RHEB: variants seen among roughly 807,000 people sequenced by gnomAD.
RHEB encodes the protein Ras homolog, mTORC1 binding, also known as GTP-binding protein Rheb.
A neutral mutation model predicts 28.8 loss-of-function variants in RHEB; 2 were observed. That is an observed-to-expected ratio of 0.07 (90% confidence interval 0.03 to 0.22). The LOEUF (loss-of-function observed/expected upper bound fraction) is 0.22. RHEB is among the 10% of genes least tolerant of loss of function. RHEB has a pLI of 1.00. For synonymous variants in RHEB, 69 were observed against 77.3 expected (o/e 0.89, Z 0.56); for missense variants, 76 against 219.9 (o/e 0.35, Z 4.14).
At chr7:151,516,484 G>A (rs1032098292) in intron 1 of RHEB, among the ~76,000 whole-genome samples, 6 of 151,752 alleles carry the variant, frequency 4.0e-5, no homozygotes, top group Non-Finnish European at 5.9e-5. Context: ...TTAGCTGGGC[G>A]GGGTGGCAGG....
chr7:151,494,448 A>G (rs1802640806), intron 1 of RHEB, among the ~76,000 whole-genome samples: 1 of 152,248 alleles, frequency 6.6e-6, no homozygotes, highest in South Asian at 2.1e-4. Flanking sequence ...CAAGTGCAAA[A>G]ACGGAGTGAG....
intron 1 of RHEB, among the ~76,000 whole-genome samples, chr7:151,500,853 G>A (rs934385035): frequency 3.9e-5 from 6 of 152,080 alleles, no homozygotes; most frequent in African/African-American, 7.2e-5. Context: ...GTGTGGTGGT[G>A]TGCTCTTGTG....
chr7:151,502,767 T>C, intron 1 of RHEB: 1 of 1,492,564 alleles, frequency 6.7e-7, no homozygotes, highest in Non-Finnish European at 9.3e-7. Flanking sequence ...GCGACATAAC[T>C]ATGTTCAGAA....
rs529019735 is a variant in RHEB at position 151,467,301 on chromosome 7, C to T, written c.463-90G>A. 2.4e-4 allele frequency: 224 copies of T among 926,738 alleles called. 1 individual carries two copies. Among genetic ancestry groups the T allele is most frequent in the Non-Finnish European group, 3.7e-4 (214 of 574,036 alleles). The allele number at this position is 926,738 out of a possible 1,614,324, so 57.4% of individuals were successfully genotyped here. A position where few individuals can be genotyped will look rare whatever the true frequency, so the allele number is the denominator to read the frequency against. ...GACTGAGGAGGGCGTGCCGCCTGCC[C>T]TGCCCTCCTACTGGTGGAGGAGGAG... On this transcript the variant is annotated intron_variant, in intron 7 of 7. Transcript: ENST00000262187.
intron 3 of RHEB, among the ~76,000 whole-genome samples, chr7:151,481,962 AG>A (rs1258414674): frequency 6.6e-6 from 1 of 152,256 alleles, no homozygotes; most frequent in Non-Finnish European, 1.5e-5. Context: ...AGGGCAAAAC[AG>A]TACCCCAGAG....
At chr7:151,498,268 A>G in intron 1 of RHEB, 2 of 606,850 alleles carry the variant, frequency 3.3e-6, no homozygotes. Context: ...ACTTTAGGGG[A>G]AACATCAATG....
chr7:151,477,473 TACCC>T, intron 3 of RHEB, 58 bp from the exon 4 acceptor site: 4 of 990,610 alleles, frequency 4.0e-6, no homozygotes, highest in Non-Finnish European at 6.2e-6. Flanking sequence ...AAACAAACTT[TACCC>T]AAAGTTTTTC....
chr7:151,478,592 C>G (rs1167815655), intron 3 of RHEB, among the ~76,000 whole-genome samples: 1 of 151,612 alleles, frequency 6.6e-6, no homozygotes, highest in African/African-American at 2.4e-5. Flanking sequence ...AAAAAACTAC[C>G]AGTTAGAAGG....
intron 4 of RHEB, 56 bp from the exon 5 acceptor site, chr7:151,471,661 G>A: frequency 1.8e-6 from 2 of 1,134,042 alleles, no homozygotes; most frequent in Non-Finnish European, 1.3e-6. Context: ...GTTTTTAAAT[G>A]TATGTTATGT....
intron 2 of RHEB, among the ~76,000 whole-genome samples, chr7:151,487,439 A>G (rs3819738): frequency 0.39 from 59,651 of 151,966 alleles, 14,094 homozygotes; most frequent in South Asian, 0.6. Context: ...AAAGGCCTGA[A>G]CCAGGGCACC....
At position 151,513,674 on chromosome 7, in the gene RHEB, T is replaced by C. The variant is rs149288546; in HGVS notation, c.52+5786A>G. 7.2e-5 allele frequency among the ~76,000 whole-genome samples: 11 copies of C among 152,360 alleles called. No homozygotes were observed. The East Asian group carries it at 1.9e-3, about 27-fold the overall frequency. ...TTCATCAATATGATTTCAGATTGCA[T>C]AGTGTAACTATTCTTTGCAAACTAT... On this transcript the variant is annotated intron_variant, in intron 1 of 7. Transcript: ENST00000262187.
chr7:151,471,812 T>G (rs1802166389), intron 4 of RHEB: 1 of 499,674 alleles, frequency 2.0e-6, no homozygotes, highest in South Asian at 3.7e-5. Flanking sequence ...CTGAGGATAT[T>G]CAAAGTGAAA....
intron 2 of RHEB, among the ~76,000 whole-genome samples, chr7:151,489,937 C>T (rs1470784850): frequency 4.6e-5 from 7 of 152,300 alleles, no homozygotes; most frequent in Non-Finnish European, 7.3e-5. Context: ...TGCAAGCCTC[C>T]GGCCGGTGAA....
chr7:151,473,122 T>C (rs1251570521), intron 4 of RHEB, among the ~76,000 whole-genome samples: 1 of 152,232 alleles, frequency 6.6e-6, no homozygotes, highest in Non-Finnish European at 1.5e-5. Flanking sequence ...GACGTGCGTC[T>C]AATGAACAGA....
rs902714005 is a variant in RHEB at position 151,472,208 on chromosome 7, T to A, written c.276-603A>T. On this transcript the variant is annotated intron_variant, in intron 4 of 7. Coordinates refer to ENST00000262187, the MANE Select transcript of RHEB (RefSeq NM_005614.4). The surrounding 1 kb of genome is among the most constrained non-coding windows in gnomAD (Gnocchi z 5.2). ...CTCCCCCAAAAAACCCATGCAAACA[T>A]CTGCCAGCACATCACTGGCTCTACT... The A allele has an allele frequency of 2.0e-5, 3 of 152,238 alleles. No individual in the cohort carries two copies. Among genetic ancestry groups the A allele is most frequent in the Non-Finnish European group, 4.4e-5 (3 of 68,088 alleles). The allele number at this position is 152,238 out of a possible 1,614,324, so 9.4% of individuals were successfully genotyped here.
chr7:151,473,094 T>G (rs147103905), intron 4 of RHEB, among the ~76,000 whole-genome samples: 1 of 152,338 alleles, frequency 6.6e-6, no homozygotes, highest in Non-Finnish European at 1.5e-5. Flanking sequence ...GTGTGTCATC[T>G]CCCTGCATGG....
chr7:151,476,192 G>A (rs1002914346), intron 4 of RHEB, among the ~76,000 whole-genome samples: 3 of 152,072 alleles, frequency 2.0e-5, no homozygotes, highest in Admixed American at 6.5e-5. Flanking sequence ...TCTCTGCCAC[G>A]GAGAAAAATG....
At chr7:151,495,985 T>C (rs553419328) in intron 1 of RHEB, among the ~76,000 whole-genome samples, 23 of 152,266 alleles carry the variant, frequency 1.5e-4, no homozygotes, top group South Asian at 8.3e-4. Context: ...AGTTTATACA[T>C]TGCTTGTTCA....
chr7:151,499,329 GC>G lies in RHEB; in HGVS notation c.53-8316del, dbSNP rs574971608. 1.6e-3 allele frequency among the ~76,000 whole-genome samples: 243 copies of G among 152,296 alleles called. 2 individuals are homozygous for G. Among genetic ancestry groups the G allele is most frequent in the African/African-American group, 5.7e-3 (238 of 41,554 alleles). ...GCCAAGATCGTGCCACTGCACTCCAGCCTGGGATACAAGAGTGAAACTCTAT... is the reference window on the plus strand; with the variant it reads ...GCCAAGATCGTGCCACTGCACTCCAGCTGGGATACAAGAGTGAAACTCTAT... On this transcript the variant is annotated intron_variant, in intron 1 of 7. Transcript: ENST00000262187.
Sources: gnomAD v4.1 joint callset for allele counts (sites outside exome capture counted in the v4.1 genomes callset) on GRCh38, gnomAD v4.1.1 for gene constraint, Gnocchi (gnomAD v3.1) non-coding constraint, MANE v1.5 for transcripts, NCBI Gene and HGNC (gene_info 2026-07-23, HGNC 2026-07-21) for gene names.